The following SSR1 variants were observed in gnomAD, a reference collection of about 807,000 sequenced individuals.
The protein encoded by SSR1 is signal sequence receptor subunit 1, also known as translocon-associated protein subunit alpha.
In SSR1, 13 loss-of-function variants were observed where a neutral mutation model predicts 36.1. That is an observed-to-expected ratio of 0.36 (90% CI 0.23 to 0.57). The LOEUF (loss-of-function observed/expected upper bound fraction) is 0.57, where lower values mean the gene tolerates loss of function less well. Among genes scored for constraint, SSR1 ranks in the 20% least tolerant of loss-of-function variants. The pLI, the probability that SSR1 is intolerant of heterozygous loss-of-function variation, is 0.81. For synonymous variants in SSR1, 113 were observed against 118.9 expected (o/e 0.95, Z 0.32); for missense variants, 291 against 338.5 (o/e 0.86, Z 1.10).
chr6:7,303,138 T>TAAAAAAAA lies in SSR1; in HGVS notation c.280+404_280+411dup, dbSNP rs35763826. Among the ~76,000 whole-genome samples the TAAAAAAAA allele has an allele frequency of 7.4e-3, 317 of 42,908 alleles. 16 individuals are homozygous for TAAAAAAAA. Among genetic ancestry groups the TAAAAAAAA allele is most frequent in the African/African-American group, 0.022 (203 of 9,068 alleles). 28.1% of individuals were successfully genotyped at this position (42,908 alleles called of 152,430 possible). A position where few individuals can be genotyped will look rare whatever the true frequency, so the allele number is the denominator to read the frequency against. ...TGGGTGACAGAGCGAGACTACATCT[T>TAAAAAAAA]AAAAAAAAAAAAAAAAAAAAAAAAA... On this transcript the variant is annotated intron_variant, in intron 3 of 7. Coordinates refer to ENST00000244763, the MANE Select transcript of SSR1 (RefSeq NM_003144.5).
At position 7,289,668 on chromosome 6, in the gene SSR1, A is replaced by C; in HGVS notation, c.*196T>G. 1 of 576,368 alleles carries C rather than the reference A, an allele frequency of 1.7e-6. No individual in the cohort carries two copies. The highest frequency in any genetic ancestry group is 3.0e-6 in the Non-Finnish European group (1 of 338,830). The allele number at this position is 576,368 out of a possible 1,614,324, so 35.7% of individuals were successfully genotyped here. ...CATAGATTTTAATGGTTTAAAAAAA[A>C]ACCAAATTTGTTACTTTAGAAAAAT... On this transcript the variant is annotated 3_prime_UTR_variant, in exon 8 of 8. Coordinates refer to ENST00000244763, the MANE Select transcript of SSR1 (RefSeq NM_003144.5).
In SSR1 at chr6:7,301,592, C is replaced by A. The variant is rs1561832925; in HGVS notation, c.281-20G>T. On this transcript the variant is annotated intron_variant, in intron 3 of 7. Coordinates refer to ENST00000244763, the MANE Select transcript of SSR1 (RefSeq NM_003144.5). ...GAAAATCTGAGAAACAAAATAGAGA[C>A]AAAAAAATTAGAACACATGGAAAGA... 5.0e-6 allele frequency: 8 copies of A among 1,588,198 alleles called. No individual in the cohort carries two copies. Among genetic ancestry groups the A allele is most frequent in the Admixed American group, 3.6e-5 (2 of 55,260 alleles).
intron 3 of SSR1, among the ~76,000 whole-genome samples, chr6:7,302,843 A>G (rs143784189): frequency 5.9e-5 from 9 of 152,308 alleles, no homozygotes; most frequent in Non-Finnish European, 1.3e-4. Flanking sequence ...GTTAACACTC[A>G]AAATGTGACA....
intron 6 of SSR1, among the ~76,000 whole-genome samples, chr6:7,297,678 T>G (rs1757832360): frequency 6.6e-6 from 1 of 151,860 alleles, no homozygotes; most frequent in South Asian, 2.1e-4. Flanking sequence ...TGAGCTAAGA[T>G]CACACCACTG....
rs765866525 is a variant in SSR1, at chr6:7,310,044, C to T, written c.80-15G>A. On this transcript the variant is annotated splice_polypyrimidine_tract_variant and intron_variant, in intron 1 of 7. Coordinates refer to ENST00000244763, the MANE Select transcript of SSR1 (RefSeq NM_003144.5). The stretch of plus-strand genomic sequence containing the variant: ...TGCTAACAAGCCTAATGATAAAATA[C>T]AGAAAAAGCAGTTACCCTTTACTCT... The T allele has an allele frequency of 2.8e-5, 44 of 1,593,848 alleles. No homozygotes were observed. Among genetic ancestry groups the T allele is most frequent in the African/African-American group, 4.0e-5 (3 of 74,230 alleles).
intron 5 of SSR1, 85 bp downstream of exon 5, chr6:7,298,662 T>A: frequency 1.0e-6 from 1 of 1,003,464 alleles, no homozygotes; most frequent in South Asian, 1.3e-5. Context: ...ATCGTCAACA[T>A]CTAAAACAAT....
At chr6:7,303,726 C>T in intron 2 of SSR1, 89 bp from the exon 3 acceptor site, 2 of 1,002,008 alleles carry the variant, frequency 2.0e-6, no homozygotes, top group Non-Finnish European at 3.0e-6. Context: ...CACGGTGGCT[C>T]ACACTTATAA....
At chr6:7,298,577 T>A (rs1299363161) in intron 5 of SSR1, 170 bp downstream of exon 5, 5 of 561,308 alleles carry the variant, frequency 8.9e-6, no homozygotes, top group African/African-American at 1.9e-5. Flanking sequence ...CTAATTTGAC[T>A]TTTATAGTTA....
intron 5 of SSR1, 97 bp from the exon 6 acceptor site, chr6:7,298,098 A>G (rs929323946): frequency 2.3e-5 from 21 of 910,124 alleles, no homozygotes; most frequent in Non-Finnish European, 3.4e-5. Context: ...AAGCTTTCCA[A>G]ATAACTTGTG....
chr6:7,312,834 C>T (rs1467528781), intron 1 of SSR1, among the ~76,000 whole-genome samples: 1 of 152,214 alleles, frequency 6.6e-6, no homozygotes, highest in African/African-American at 2.4e-5. Context: ...CCCCGCGCTC[C>T]GCGTGCAAGG....
In SSR1 at chr6:7,297,986, C is replaced by A; in HGVS notation, c.636G>T (p.Met212Ile). Residue 212 changes from methionine (M) to isoleucine (I), a missense_variant, in exon 6 of 8, where the codon ATG (methionine) becomes ATT (isoleucine). By Grantham distance (10) the Met-to-Ile change is conservative. Coordinates refer to ENST00000244763, the MANE Select transcript of SSR1 (RefSeq NM_003144.5). Reference protein sequence around the residue: ...GLDGETIFMYMFLAGLGLLVI... With the variant: ...GLDGETIFMYIFLAGLGLLVI... ...CCAGAAGCCCAAGACCAGCAAGGAA[C>A]ATATACATAAAGATTCTGGTACAAA... The A allele has an allele frequency of 6.2e-7, 1 of 1,613,110 alleles. No individual in the cohort carries two copies. Among genetic ancestry groups the A allele is most frequent in the Non-Finnish European group, 8.5e-7 (1 of 1,179,464 alleles).
intron 2 of SSR1, among the ~76,000 whole-genome samples, chr6:7,303,926 G>T (rs984232746): frequency 6.6e-6 from 1 of 152,182 alleles, no homozygotes; most frequent in Admixed American, 6.5e-5. Context: ...GGTAGAGGTT[G>T]TATGAGCTGA....
intron 1 of SSR1, among the ~76,000 whole-genome samples, chr6:7,311,453 C>G (rs907266170): frequency 1.6e-4 from 25 of 152,202 alleles, no homozygotes; most frequent in Non-Finnish European, 2.9e-4. Flanking sequence ...TCTTTAAGTT[C>G]TCACTGGCTG....
At chr6:7,299,567 G>A (rs914553863) in intron 4 of SSR1, among the ~76,000 whole-genome samples, 29 of 151,864 alleles carry the variant, frequency 1.9e-4, no homozygotes, top group Non-Finnish European at 3.7e-4. Context: ...GTATGGTTGC[G>A]CATGCCTGTA....
intron 2 of SSR1, among the ~76,000 whole-genome samples, chr6:7,308,875 A>G (rs3778332): frequency 0.3 from 46,283 of 152,066 alleles, 7,821 homozygotes; most frequent in African/African-American, 0.46. Flanking sequence ...AGTAAAAGCA[A>G]GCAAGCGAAA....
chr6:7,311,363 G>A (rs1758191924), intron 1 of SSR1, among the ~76,000 whole-genome samples: 1 of 152,136 alleles, frequency 6.6e-6, no homozygotes, highest in Non-Finnish European at 1.5e-5. Flanking sequence ...GCAATTCTGT[G>A]GATAAAAAAC....
chr6:7,312,706 C>G (rs1758232804), intron 1 of SSR1, among the ~76,000 whole-genome samples: 1 of 152,216 alleles, frequency 6.6e-6, no homozygotes, highest in Admixed American at 6.5e-5. Context: ...CCGTGTCCAG[C>G]GCCTCCTCCT....
rs1561826432 is a variant in SSR1 at position 7,285,956 on chromosome 6, A to AT, written c.*3907dup. 1.3e-5 allele frequency: 2 copies of AT among 152,358 alleles called. No homozygotes were observed. Among genetic ancestry groups the AT allele is most frequent in the East Asian group, 3.9e-4 (2 of 5,188 alleles). The allele number at this position is 152,358 out of a possible 1,614,324, so 9.4% of individuals were successfully genotyped here. On this transcript the variant is annotated 3_prime_UTR_variant, in exon 8 of 8. Transcript: ENST00000244763. This position sits in a 1 kb window ranked among gnomAD's most constrained non-coding sequence, Gnocchi z 4.1. ...GGGTAACTGAATTATCATAGATACAATACAGCAAGTATATATGGTATATTC... is the reference window on the plus strand; with the variant it reads ...GGGTAACTGAATTATCATAGATACAATTACAGCAAGTATATATGGTATATTC...
Position 7,289,701 on chromosome 6 carries a change from G to C in SSR1, c.*163C>G, listed in dbSNP as rs925957114. 1.9e-5 allele frequency: 12 copies of C among 648,260 alleles called. No individual in the cohort carries two copies. In the Admixed American group the frequency reaches 2.9e-4, roughly 15 times the overall value. The allele number at this position is 648,260 out of a possible 1,614,324, so 40.2% of individuals were successfully genotyped here. ...TTGTTACTTTAGAAAAATGAATGCA[G>C]TGCATTTTCAGCAATATTATCGCCA... On this transcript the variant is annotated 3_prime_UTR_variant, in exon 8 of 8. Transcript: ENST00000244763.
Sources: allele counts gnomAD v4.1 joint callset (sites outside exome capture counted in the v4.1 genomes callset), GRCh38; gene constraint gnomAD v4.1.1; non-coding constraint Gnocchi (gnomAD v3.1); transcripts MANE v1.5; gene names NCBI Gene and HGNC (gene_info 2026-07-23, HGNC 2026-07-21).